Variants in DNAH2 observed in about 807,000 individuals in gnomAD.
The protein encoded by DNAH2 is dynein axonemal heavy chain 2.
In DNAH2, 323 loss-of-function variants were observed where a neutral mutation model predicts 523.5. The observed-to-expected ratio is 0.62, with a 90% CI of 0.56 to 0.68. DNAH2 has a LOEUF of 0.68. DNAH2 is among the 30% of genes least tolerant of loss of function. DNAH2 has a pLI of 0.00. For missense variants in DNAH2, 4,907 were observed against 5,701.5 expected (o/e 0.86, Z 4.49); for synonymous variants, 2,093 against 2,177.4 (o/e 0.96, Z 1.08).
chr17:7,805,290 C>G lies in DNAH2; in HGVS notation c.9339C>G (p.Ile3113Met), dbSNP rs1322365610. ...TGAACAAGAAGGATATAGGAGAGAT[C>G]AAGTCTTATGGACGGCCCCCAGCCC... ...ESLNKKDIGEIKSYGRPPAQV... is the reference protein window; with the variant it reads ...ESLNKKDIGEMKSYGRPPAQV... The change falls in exon 61 of 86, where the codon ATC becomes ATG. Residue 3113 changes from isoleucine (I) to methionine (M), a missense_variant. Physicochemically the swap from Ile to Met is conservative, Grantham distance 10 (BLOSUM62 1). This residue lies in a region of DNAH2 where 1,851 missense variants were observed against 2,139.4 expected (regional missense o/e 0.87). Coordinates refer to ENST00000572933, the MANE Select transcript of DNAH2 (RefSeq NM_020877.5). 1 of 1,614,084 alleles carries G rather than the reference C, an allele frequency of 6.2e-7. No individual in the cohort carries two copies. Among genetic ancestry groups the G allele is most frequent in the Admixed American group, 1.7e-5 (1 of 60,006 alleles).
chr17:7,779,533 G>A, intron 36 of DNAH2, 110 bp downstream of exon 36: 1 of 1,203,512 alleles, frequency 8.3e-7, no homozygotes, highest in African/African-American at 1.5e-5. Flanking sequence ...ATATAGCTAA[G>A]TGAAGTCTGG....
At chr17:7,728,462 C>A (rs188175395) in intron 4 of DNAH2, among the ~76,000 whole-genome samples, 2 of 152,236 alleles carry the variant, frequency 1.3e-5, no homozygotes, top group African/African-American at 2.4e-5. Flanking sequence ...GGCAGAAGAA[C>A]TTTTGCCCTG....
chr17:7,805,858 G>T (rs376650604), intron 61 of DNAH2, among the ~76,000 whole-genome samples: 1 of 150,298 alleles, frequency 6.7e-6, no homozygotes, highest in African/African-American at 2.5e-5. Flanking sequence ...TGTCTCCAAA[G>T]AAAAAAAAAG....
At chr17:7,729,348 C>A (rs1429628911) in intron 4 of DNAH2, among the ~76,000 whole-genome samples, 4 of 147,896 alleles carry the variant, frequency 2.7e-5, no homozygotes, top group African/African-American at 1.0e-4. Flanking sequence ...GAGTTCGAAT[C>A]AATCCTGGGC....
intron 58 of DNAH2, among the ~76,000 whole-genome samples, chr17:7,803,656 C>T (rs1362161481): frequency 4.7e-5 from 7 of 149,910 alleles, no homozygotes; most frequent in African/African-American, 9.9e-5. Flanking sequence ...GGTGACAGAT[C>T]GAGACTCCGT....
intron 12 of DNAH2, chr17:7,743,516 AT>A (rs2075420465): frequency 4.9e-6 from 3 of 617,660 alleles, no homozygotes; most frequent in East Asian, 2.8e-5. Context: ...AAATACAAAG[AT>A]TAGCTGGGCG....
In DNAH2 at chr17:7,799,125, AG is replaced by A. The variant is rs1167498625; in HGVS notation, c.8584del (p.Ala2862ProfsTer49). The A allele has an allele frequency of 2.5e-6, 4 of 1,614,050 alleles. No individual in the cohort carries two copies. The African/African-American group carries it at 5.3e-5, about 22-fold the overall frequency. The stretch of plus-strand genomic sequence containing the variant: ...CAGATCCAGTCGCATATCATAGACC[AG>A]GCCCGGGTGGAGCAGGTGCCTGAGT... Reference protein sequence around the residue: ...FEEIQSHIIDQARVEQVPESS... With the variant: ...FEEIQSHIIDXARVEQVPESS... On this transcript the variant is annotated frameshift_variant, in exon 56 of 86. Transcript: ENST00000572933. LOFTEE classifies it high-confidence loss of function.
At chr17:7,790,776 G>T (rs1219871455) in intron 44 of DNAH2, among the ~76,000 whole-genome samples, 1 of 151,466 alleles carries the variant, frequency 6.6e-6, no homozygotes, top group Non-Finnish European at 1.5e-5. Flanking sequence ...GCATGATCAG[G>T]GCTCACTGCA....
At chr17:7,816,933 T>C (rs2077687446) in intron 64 of DNAH2, among the ~76,000 whole-genome samples, 198 bp downstream of exon 64, 1 of 152,128 alleles carries the variant, frequency 6.6e-6, no homozygotes, top group Non-Finnish European at 1.5e-5. Flanking sequence ...CTTTTTGCAT[T>C]ATTAGGGATC....
chr17:7,798,457 G>A lies in DNAH2; in HGVS notation c.8399-101G>A. The A allele has an allele frequency of 6.5e-7, 1 of 1,550,380 alleles. No homozygotes were observed. The highest frequency in any genetic ancestry group is 8.7e-7 in the Non-Finnish European group (1 of 1,149,508). On this transcript the variant is annotated intron_variant, in intron 54 of 85. Coordinates refer to ENST00000572933, the MANE Select transcript of DNAH2 (RefSeq NM_020877.5). This position sits in a 1 kb window ranked among gnomAD's most constrained non-coding sequence, Gnocchi z 5.5. ...TGTTGGGTGTAGGATGGTGTCGCGT[G>A]TATGCTGCGGGGCGGGGAGGGTTCC... is the stretch of plus-strand genomic sequence containing the variant.
chr17:7,760,706 G>A lies in DNAH2; in HGVS notation c.2786-34G>A. ...AGGCAGAAGTTGGGTTGGGGTGGAA[G>A]TCAGTGAGAAGCATCTTTCTTGGTC... On this transcript the variant is annotated intron_variant, in intron 17 of 85. Coordinates refer to ENST00000572933, the MANE Select transcript of DNAH2 (RefSeq NM_020877.5). This position sits in a 1 kb window ranked among gnomAD's most constrained non-coding sequence, Gnocchi z 4.0. 6.3e-7 allele frequency: 1 copy of A among 1,591,942 alleles called. No individual in the cohort carries two copies. Among genetic ancestry groups the A allele is most frequent in the East Asian group, 2.2e-5 (1 of 44,482 alleles).
intron 48 of DNAH2, 60 bp downstream of exon 48, chr17:7,793,265 C>A: frequency 6.4e-7 from 1 of 1,553,398 alleles, no homozygotes; most frequent in Non-Finnish European, 8.7e-7. Flanking sequence ...GGCTCAGTCC[C>A]CACTCCACTG....
At position 7,719,912 on chromosome 17, in the gene DNAH2, C is replaced by T. The variant is rs367896984; in HGVS notation, c.166+12C>T. ...CAAGGAGGAGCCTGGTGGGTACTTG[C>T]TGGGGCAGAGGATGCTTAGCAATGG... On this transcript the variant is annotated intron_variant, in intron 2 of 85. Coordinates refer to ENST00000572933, the MANE Select transcript of DNAH2 (RefSeq NM_020877.5). The T allele has an allele frequency of 5.3e-5, 80 of 1,509,190 alleles. No homozygotes were observed. In the African/African-American group the frequency reaches 9.7e-4, roughly 18 times the overall value. 93.5% of individuals were successfully genotyped at this position (1,509,190 alleles called of 1,614,324 possible).
In DNAH2 at chr17:7,787,898, C is replaced by T; in HGVS notation, c.6642C>T (p.Ala2214=). The T allele has an allele frequency of 2.5e-6, 4 of 1,614,132 alleles. No homozygotes were observed. The highest frequency in any genetic ancestry group is 3.4e-6 in the Non-Finnish European group (4 of 1,179,986). ...LLFEVEDLAM[A]SPATVSRCGM... ...TTGAAGTGGAGGACCTGGCAATGGC[C>T]TCTCCGGCCACTGTATCCCGCTGCG... The change falls in exon 43 of 86, where the codon GCC becomes GCT. Residue 2214 remains alanine (A), a synonymous_variant. Transcript: ENST00000572933.
At chr17:7,723,121 C>T (rs1374060759) in intron 2 of DNAH2, among the ~76,000 whole-genome samples, 5 of 151,368 alleles carry the variant, frequency 3.3e-5, no homozygotes, top group African/African-American at 4.9e-5. Context: ...AGGCTCCCAC[C>T]AGCACATCTG....
chr17:7,817,947 G>A lies in DNAH2; in HGVS notation c.10238G>A (p.Gly3413Asp). The A allele has an allele frequency of 1.9e-6, 3 of 1,614,022 alleles. No individual in the cohort carries two copies. Among genetic ancestry groups the A allele is most frequent in the East Asian group, 2.2e-5 (1 of 44,876 alleles). The stretch of plus-strand genomic sequence containing the variant: ...TTCACCTTCCCCCTTGCTCTCTAGG[G>A]CCTGAAGATCATCGACCTGCAGATG... The part of the protein sequence containing the change: ...KWIKNMEGGQ[G>D]LKIIDLQMSD... Residue 3413 changes from glycine to aspartate, a missense_variant and splice_region_variant, in exon 68 of 86, where the codon GGC (glycine) becomes GAC (aspartate). Gly to Asp is a moderately conservative substitution (Grantham distance 94, BLOSUM62 -1). Transcript: ENST00000572933.
At chr17:7,732,068 A>G (rs2075005948) in intron 4 of DNAH2, among the ~76,000 whole-genome samples, 1 of 149,798 alleles carries the variant, frequency 6.7e-6, no homozygotes. Context: ...GCCAATATTT[A>G]TTTTATTTCT....
Position 7,774,971 on chromosome 17 carries a change from CAGA to C in DNAH2, c.4717_4719del (p.Lys1573del), listed in dbSNP as rs1459567296. The C allele has an allele frequency of 6.2e-7, 1 of 1,613,590 alleles. No individual in the cohort carries two copies. Among genetic ancestry groups the C allele is most frequent in the East Asian group, 2.2e-5 (1 of 44,878 alleles). ...TGACAACATCAAGTTGCTGAGAATC[CAGA>C]AGGTCAGTAGAAGTGGCCACAGTGA... On this transcript the variant is annotated inframe_deletion and splice_region_variant, in exon 29 of 86. Transcript: ENST00000572933.
In DNAH2 at chr17:7,757,181, C is replaced by G. The variant is rs377589071; in HGVS notation, c.1995C>G (p.Ala665=). The G allele has an allele frequency of 9.3e-6, 15 of 1,614,042 alleles. No individual in the cohort carries two copies. Among genetic ancestry groups the G allele is most frequent in the African/African-American group, 1.3e-5 (1 of 74,920 alleles). The stretch of plus-strand genomic sequence containing the variant: ...ACGTGGTGAACGTAGCTGAGCGAGC[C>G]GAGGACCTGCGCATTCTGCGTGAAA... ...PHYVVNVAER[A]EDLRILRENL... Residue 665 remains alanine, a synonymous_variant, in exon 13 of 86, where the codon GCC becomes GCG. Coordinates refer to ENST00000572933, the MANE Select transcript of DNAH2 (RefSeq NM_020877.5).
Sources: gnomAD v4.1 joint callset for allele counts (sites outside exome capture counted in the v4.1 genomes callset) on GRCh38, gnomAD v4.1.1 for gene constraint, gnomAD v4.1.1 regional missense constraint, Gnocchi (gnomAD v3.1) non-coding constraint, MANE v1.5 for transcripts, NCBI Gene and HGNC (gene_info 2026-07-23, HGNC 2026-07-21) for gene names.